The following SV2B variants were observed in gnomAD, a reference collection of about 807,000 sequenced individuals.
SV2B encodes the protein solute carrier family 22 member B2.
A neutral mutation model predicts 73.9 loss-of-function variants in SV2B; 41 were observed. That is an observed-to-expected ratio of 0.56 (90% CI 0.43 to 0.72). SV2B has a LOEUF of 0.72. Among genes scored for constraint, SV2B ranks in the 30% least tolerant of loss-of-function variants. The pLI is 0.00. For synonymous variants in SV2B, 314 were observed against 314.2 expected (o/e 1.00, Z 0.01); for missense variants, 764 against 857.8 (o/e 0.89, Z 1.37).
Position 91,292,836 on chromosome 15 carries a change from A to G in SV2B, c.*284A>G, listed in dbSNP as rs568555076. On this transcript the variant is annotated 3_prime_UTR_variant, in exon 13 of 13. Transcript: ENST00000394232. ...AGAGGATTCTCCAGTGAGTGCACAC[A>G]CTATGCGAGGAGCAAGCATTTCTCT... 30 of 278,384 alleles carry G rather than the reference A, an allele frequency of 1.1e-4. No homozygotes were observed. In the South Asian group the frequency reaches 3.4e-3, roughly 32 times the overall value. 17.2% of individuals were successfully genotyped at this position (278,384 alleles called of 1,614,324 possible).
chr15:91,211,844 T>TTGCCCAAG (rs1258418857), intron 1 of SV2B, among the ~76,000 whole-genome samples: 1 of 148,286 alleles, frequency 6.7e-6, no homozygotes, highest in East Asian at 2.0e-4. Flanking sequence ...TCTCACTGTG[T>TTGCCCAAG]TGCCCAAGCT....
At chr15:91,143,696 G>A (rs1439050990) in intron 1 of SV2B, among the ~76,000 whole-genome samples, 1 of 152,172 alleles carries the variant, frequency 6.6e-6, no homozygotes, top group Non-Finnish European at 1.5e-5. Flanking sequence ...TGATGAGTCC[G>A]ATTTTTCTGG....
In SV2B at chr15:91,239,060, A is replaced by G. The variant is rs1456748917; in HGVS notation, c.451+12346A>G. ...TTTAATTTCAGAGAAGAAAGCTGGA[A>G]AGTCACAAATATTAGCAGGGATGGA... On this transcript the variant is annotated intron_variant, in intron 2 of 12. Transcript: ENST00000394232. The surrounding 1 kb of genome is among the most constrained non-coding windows in gnomAD (Gnocchi z 5.1). Among the ~76,000 whole-genome samples, 3 of 152,198 alleles carry G rather than the reference A, an allele frequency of 2.0e-5. No homozygotes were observed. Among genetic ancestry groups the G allele is most frequent in the South Asian group, 2.1e-4 (1 of 4,824 alleles).
At chr15:91,199,886 T>G (rs1596567941) in intron 1 of SV2B, among the ~76,000 whole-genome samples, 1 of 152,158 alleles carries the variant, frequency 6.6e-6, no homozygotes, top group Non-Finnish European at 1.5e-5. Flanking sequence ...GCTAGTTAAG[T>G]GCACTTCCCA....
chr15:91,252,652 C>T lies in SV2B; in HGVS notation c.784+132C>T. The T allele has an allele frequency of 4.3e-6, 4 of 936,384 alleles. No individual in the cohort carries two copies. Among genetic ancestry groups the T allele is most frequent in the Non-Finnish European group, 5.7e-6 (4 of 706,606 alleles). The allele number at this position is 936,384 out of a possible 1,614,324, so 58.0% of individuals were successfully genotyped here. On this transcript the variant is annotated intron_variant, in intron 4 of 12. Transcript: ENST00000394232. The surrounding 1 kb of genome is among the most constrained non-coding windows in gnomAD (Gnocchi z 4.6). ...CGTACGTGACCTTGATCTTTCTTAA[C>T]AACTTCTAACATTGCAGACACATTG... is the stretch of plus-strand genomic sequence containing the variant.
intron 9 of SV2B, among the ~76,000 whole-genome samples, chr15:91,271,667 AG>A (rs1193794791): frequency 6.6e-6 from 1 of 152,202 alleles, no homozygotes; most frequent in Non-Finnish European, 1.5e-5. Context: ...TTGAATAAAA[AG>A]GGTATTTTTC....
chr15:91,246,721 C>T (rs1216032769), intron 2 of SV2B, among the ~76,000 whole-genome samples: 3 of 149,312 alleles, frequency 2.0e-5, no homozygotes, highest in Admixed American at 2.0e-4. Context: ...CAACCTCCTC[C>T]TCCTCCTCCT....
chr15:91,200,374 A>G (rs1192708318), intron 1 of SV2B, among the ~76,000 whole-genome samples: 1 of 152,246 alleles, frequency 6.6e-6, no homozygotes, highest in Non-Finnish European at 1.5e-5. Context: ...AAATATAATT[A>G]GAAGGGAGAC....
intron 9 of SV2B, among the ~76,000 whole-genome samples, chr15:91,271,616 T>C (rs1275659485): frequency 1.3e-5 from 2 of 152,220 alleles, no homozygotes; most frequent in Non-Finnish European, 2.9e-5. Flanking sequence ...CCACTATTAT[T>C]TGAAGCCCAT....
chr15:91,100,411 G>A lies in SV2B; in HGVS notation c.-392+48G>A, dbSNP rs959733400. ...GCGGTGCAACCGACCCAGCCGGGGC[G>A]CGGACCCCGCGTGCGCCAGGGCTCC... On this transcript the variant is annotated intron_variant, in intron 1 of 12. Transcript: ENST00000394232. This position sits in a 1 kb window ranked among gnomAD's most constrained non-coding sequence, Gnocchi z 6.4. The A allele has an allele frequency of 1.3e-5, 2 of 152,462 alleles. No homozygotes were observed. Among genetic ancestry groups the A allele is most frequent in the African/African-American group, 4.8e-5 (2 of 41,588 alleles). 9.4% of individuals were successfully genotyped at this position (152,462 alleles called of 1,614,324 possible).
chr15:91,260,949 A>C (rs2047890696), intron 6 of SV2B, among the ~76,000 whole-genome samples: 1 of 152,226 alleles, frequency 6.6e-6, no homozygotes, highest in African/African-American at 2.4e-5. Context: ...TGTCCCTCCC[A>C]CAACATGTGG....
chr15:91,229,421 T>G lies in SV2B; in HGVS notation c.451+2707T>G, dbSNP rs2046488074. 6.6e-6 allele frequency among the ~76,000 whole-genome samples: 1 copy of G among 152,214 alleles called. No homozygotes were observed. The highest frequency in any genetic ancestry group is 1.5e-5 in the Non-Finnish European group (1 of 68,026). On this transcript the variant is annotated intron_variant, in intron 2 of 12. Transcript: ENST00000394232. The surrounding 1 kb of genome is among the most constrained non-coding windows in gnomAD (Gnocchi z 4.3). ...TTGCCCTCTCAACAATGATTAGTTC[T>G]CGTTACTTTATATTCTGCCATTCTC...
chr15:91,284,083 G>A lies in SV2B; in HGVS notation c.1570G>A (p.Glu524Lys). Residue 524 changes from glutamate (E) to lysine (K), a missense_variant, in exon 11 of 13, where the codon GAG becomes AAG. Coordinates refer to ENST00000394232, the MANE Select transcript of SV2B (RefSeq NM_001323032.3). The surrounding 1 kb of genome is among the most constrained non-coding windows in gnomAD (Gnocchi z 4.5). ...FINSTFLEQKEGCHMDLEQDN... is the reference protein window; with the variant it reads ...FINSTFLEQKKGCHMDLEQDN... ...CAACTCCACCTTCCTGGAGCAGAAG[G>A]AGGGCTGCCACATGGACTTGGAGCA... 1 of 1,614,164 alleles carries A rather than the reference G, an allele frequency of 6.2e-7. No homozygotes were observed. Among genetic ancestry groups the A allele is most frequent in the Non-Finnish European group, 8.5e-7 (1 of 1,180,042 alleles).
chr15:91,102,819 G>A (rs80209009), intron 1 of SV2B, among the ~76,000 whole-genome samples: 2,158 of 152,318 alleles, frequency 0.014, 23 homozygotes, highest in Non-Finnish European at 0.023. Context: ...AGACATCTGG[G>A]GAAGTGAGGG....
At chr15:91,179,746 T>G (rs1272361616) in intron 1 of SV2B, among the ~76,000 whole-genome samples, 1 of 152,200 alleles carries the variant, frequency 6.6e-6, no homozygotes, top group Non-Finnish European at 1.5e-5. Flanking sequence ...ATTTGCTTGG[T>G]AGATCTTCCT....
At position 91,297,550 on chromosome 15, in the gene SV2B, A is replaced by G. The variant is rs2141839220; in HGVS notation, c.*4998A>G. ...CTGGGGTGGGGTCTGAAGAATCTGC[A>G]TTTTTTAACAAACTCCCAGGTGACA... On this transcript the variant is annotated 3_prime_UTR_variant, in exon 13 of 13. Coordinates refer to ENST00000394232, the MANE Select transcript of SV2B (RefSeq NM_001323032.3). The surrounding 1 kb of genome is among the most constrained non-coding windows in gnomAD (Gnocchi z 5.1). 6.6e-6 allele frequency: 1 copy of G among 152,250 alleles called. No homozygotes were observed. Among genetic ancestry groups the G allele is most frequent in the African/African-American group, 2.4e-5 (1 of 41,534 alleles). 9.4% of individuals were successfully genotyped at this position (152,250 alleles called of 1,614,324 possible).
intron 9 of SV2B, among the ~76,000 whole-genome samples, chr15:91,276,772 C>T (rs2048501438): frequency 6.7e-6 from 1 of 148,708 alleles, no homozygotes; most frequent in East Asian, 1.9e-4. Flanking sequence ...AAATTCCCTG[C>T]CTGATAGTTC....
intron 1 of SV2B, among the ~76,000 whole-genome samples, chr15:91,208,131 C>G (rs935228555): frequency 2.6e-5 from 4 of 152,158 alleles, no homozygotes; most frequent in Admixed American, 2.0e-4. Context: ...TATCGACAGT[C>G]TCACCCGCGT....
chr15:91,259,304 G>A (rs1389933298), intron 5 of SV2B, among the ~76,000 whole-genome samples: 2 of 152,012 alleles, frequency 1.3e-5, no homozygotes, highest in Non-Finnish European at 2.9e-5. Flanking sequence ...AACAGCAGGG[G>A]AACCTCCTGC....
Sources: allele counts gnomAD v4.1 joint callset (sites outside exome capture counted in the v4.1 genomes callset), GRCh38; gene constraint gnomAD v4.1.1; non-coding constraint Gnocchi (gnomAD v3.1); transcripts MANE v1.5; gene names NCBI Gene and HGNC (gene_info 2026-07-23, HGNC 2026-07-21).